Variants in GNA14 observed in about 807,000 individuals in gnomAD.
GNA14 encodes the protein G protein subunit alpha 14.
Under a neutral mutation model 42.0 loss-of-function variants are expected in GNA14, and 50 were observed. The observed-to-expected ratio is 1.19, with a 90% CI of 0.95 to 1.51. The LOEUF (loss-of-function observed/expected upper bound fraction) is 1.51, where lower values mean the gene tolerates loss of function less well. GNA14 is among the 40% of genes most tolerant of loss of function. GNA14 has a pLI of 0.00. For missense variants in GNA14, 473 were observed against 446.2 expected (o/e 1.06, Z -0.54); for synonymous variants, 173 against 163.1 (o/e 1.06, Z -0.46).
chr9:77,606,172 C>T lies in GNA14; in HGVS notation c.124+41498G>A, dbSNP rs73651576. Reference sequence around the variant, plus strand: ...TATTCTGTCCTTTTAAAGCCTTGACCCAGGAGAAATTATCAGCAATTAAAA... The same window carrying T: ...TATTCTGTCCTTTTAAAGCCTTGACTCAGGAGAAATTATCAGCAATTAAAA... On this transcript the variant is annotated intron_variant, in intron 1 of 6. Coordinates refer to ENST00000341700, the MANE Select transcript of GNA14 (RefSeq NM_004297.4). Among the ~76,000 whole-genome samples the T allele has an allele frequency of 8.5e-3, 1,292 of 152,120 alleles. 16 individuals are homozygous for T. Among genetic ancestry groups the T allele is most frequent in the African/African-American group, 0.029 (1,196 of 41,476 alleles).
chr9:77,557,139 C>T (rs565866320), intron 1 of GNA14, among the ~76,000 whole-genome samples: 1 of 152,208 alleles, frequency 6.6e-6, no homozygotes, highest in South Asian at 2.1e-4. Flanking sequence ...AGCAGCCTTG[C>T]CCTGGGCTGA....
chr9:77,573,171 G>T (rs1021584472), intron 1 of GNA14, among the ~76,000 whole-genome samples: 1 of 152,152 alleles, frequency 6.6e-6, no homozygotes, highest in African/African-American at 2.4e-5. Context: ...GTTTCAGGCA[G>T]GGTGCGGTGG....
At chr9:77,539,242 T>G (rs2131775159) in intron 1 of GNA14, among the ~76,000 whole-genome samples, 1 of 152,384 alleles carries the variant, frequency 6.6e-6, no homozygotes, top group South Asian at 2.1e-4. Context: ...TCAAATGCTC[T>G]TTCTCCATTT....
intron 1 of GNA14, among the ~76,000 whole-genome samples, chr9:77,640,409 T>C (rs1178545373): frequency 6.6e-6 from 1 of 152,184 alleles, no homozygotes; most frequent in East Asian, 1.9e-4. Context: ...ACATGGGAGT[T>C]GTTACAGTGG....
intron 1 of GNA14, among the ~76,000 whole-genome samples, chr9:77,637,845 A>C (rs1213248733): frequency 2.0e-5 from 3 of 152,246 alleles, no homozygotes; most frequent in Non-Finnish European, 4.4e-5. Flanking sequence ...AGAGAGTACC[A>C]GGAGCAGGCA....
chr9:77,431,205 G>T, intron 4 of GNA14, 116 bp downstream of exon 4: 1 of 902,320 alleles, frequency 1.1e-6, no homozygotes, highest in Non-Finnish European at 1.7e-6. Context: ...TGGCAGAGAG[G>T]GTCACTCTGT....
chr9:77,571,871 AT>A (rs35254823), intron 1 of GNA14, among the ~76,000 whole-genome samples: 13 of 152,212 alleles, frequency 8.5e-5, no homozygotes, highest in African/African-American at 9.6e-5. Flanking sequence ...TGAAATGATA[AT>A]TTTTTTGATA....
intron 1 of GNA14, among the ~76,000 whole-genome samples, chr9:77,634,532 AAGGC>A (rs566344360): frequency 2.0e-5 from 3 of 151,862 alleles, no homozygotes; most frequent in African/African-American, 4.8e-5. Flanking sequence ...AGGAGGCAAA[AAGGC>A]AGGCAGGCAG....
intron 1 of GNA14, among the ~76,000 whole-genome samples, chr9:77,591,171 C>T (rs1392420422): frequency 1.3e-5 from 2 of 152,202 alleles, no homozygotes; most frequent in Non-Finnish European, 2.9e-5. Context: ...TAGAATCATC[C>T]TGATCATACC....
chr9:77,561,350 C>A (rs531702375), intron 1 of GNA14, among the ~76,000 whole-genome samples: 1 of 151,698 alleles, frequency 6.6e-6, no homozygotes, highest in African/African-American at 2.4e-5. Context: ...CTTTAGAGGC[C>A]GAATAAAGGA....
intron 2 of GNA14, among the ~76,000 whole-genome samples, chr9:77,466,999 C>CA (rs1564023153): frequency 1.2e-4 from 11 of 95,644 alleles, no homozygotes; most frequent in African/African-American, 6.0e-5. Context: ...TTTTACCACT[C>CA]GGTGTGTGTG....
At chr9:77,611,991 A>C (rs564386578) in intron 1 of GNA14, among the ~76,000 whole-genome samples, 1 of 152,236 alleles carries the variant, frequency 6.6e-6, no homozygotes, top group African/African-American at 2.4e-5. Context: ...AAGCATTAAC[A>C]TCAAAGAAAC....
rs545260505 is a variant in GNA14 at position 77,522,441 on chromosome 9, C to A, written c.309+6628G>T. ...GTCAAGGCTAATCTAACCAAGGCAGCCCAGTTCGGCTGAACACAACAGACA... is the reference window on the plus strand; with the variant it reads ...GTCAAGGCTAATCTAACCAAGGCAGACCAGTTCGGCTGAACACAACAGACA... On this transcript the variant is annotated intron_variant, in intron 2 of 6. Transcript: ENST00000341700. 2.1e-3 allele frequency among the ~76,000 whole-genome samples: 319 copies of A among 152,252 alleles called. 2 individuals are homozygous for A. The highest frequency in any genetic ancestry group is 3.9e-3 in the Non-Finnish European group (265 of 68,018).
At chr9:77,485,710 A>C (rs1202091220) in intron 2 of GNA14, among the ~76,000 whole-genome samples, 2 of 152,196 alleles carry the variant, frequency 1.3e-5, no homozygotes, top group African/African-American at 2.4e-5. Context: ...TTTAAAAAAA[A>C]ACACATTAAT....
chr9:77,445,164 G>A (rs919643348), intron 2 of GNA14, among the ~76,000 whole-genome samples: 6 of 152,198 alleles, frequency 3.9e-5, no homozygotes, highest in Admixed American at 1.3e-4. Flanking sequence ...TCGCTGCCAC[G>A]AACATGGCTT....
chr9:77,642,084 C>T (rs10869950), intron 1 of GNA14, among the ~76,000 whole-genome samples: 46,242 of 152,046 alleles, frequency 0.3, 9,451 homozygotes, highest in African/African-American at 0.53. Context: ...GGGAACTTTC[C>T]AGGATGATGG....
At chr9:77,504,711 A>C (rs1220588792) in intron 2 of GNA14, among the ~76,000 whole-genome samples, 1 of 120,250 alleles carries the variant, frequency 8.3e-6, no homozygotes, top group Admixed American at 1.2e-4. Context: ...TCTGTTGCCC[A>C]GGCTGGAGTG....
intron 2 of GNA14, among the ~76,000 whole-genome samples, chr9:77,474,701 T>C (rs1836389157): frequency 6.6e-6 from 1 of 152,224 alleles, no homozygotes; most frequent in South Asian, 2.1e-4. Context: ...TTCATGAATT[T>C]TCACTGCAGC....
At chr9:77,432,175 C>T in intron 3 of GNA14, among the ~76,000 whole-genome samples, 1 of 151,926 alleles carries the variant, frequency 6.6e-6, no homozygotes, top group East Asian at 1.9e-4. Flanking sequence ...TAACTCAGGC[C>T]CTCGCTAACA....
Sources: allele counts gnomAD v4.1 joint callset (sites outside exome capture counted in the v4.1 genomes callset), GRCh38; gene constraint gnomAD v4.1.1; transcripts MANE v1.5; gene names NCBI Gene and HGNC (gene_info 2026-07-23, HGNC 2026-07-21).